The following VPS41 variants were observed in gnomAD, a reference collection of about 807,000 sequenced individuals.
VPS41 encodes VPS41 subunit of HOPS complex, also known as vacuolar protein sorting-associated protein 41 homolog.
A neutral mutation model predicts 130.9 loss-of-function variants in VPS41; 85 were observed. That is an observed-to-expected ratio of 0.65 (90% CI 0.55 to 0.78). VPS41 has a LOEUF of 0.78. Ranked by LOEUF, VPS41 falls within the 30% of genes least tolerant of loss-of-function variation. VPS41 has a pLI of 0.00. For missense variants in VPS41, 874 were observed against 1,018.7 expected, an observed-to-expected ratio of 0.86 and a Z score of 1.93; for synonymous variants, 335 against 332.9, an observed-to-expected ratio of 1.01 and a Z score of -0.07.
intron 5 of VPS41, among the ~76,000 whole-genome samples, chr7:38,823,902 T>G (rs1386516727): frequency 6.6e-6 from 1 of 152,156 alleles, no homozygotes; most frequent in Non-Finnish European, 1.5e-5. Context: ...TATATAGGCA[T>G]AGGATAATAT....
intron 4 of VPS41, among the ~76,000 whole-genome samples, chr7:38,861,552 C>T (rs1786114675): frequency 6.6e-6 from 1 of 152,192 alleles, no homozygotes; most frequent in Admixed American, 6.5e-5. Context: ...CAAAGATTGT[C>T]CTCGTTCCAG....
At chr7:38,906,043 G>A (rs766356105) in intron 1 of VPS41, among the ~76,000 whole-genome samples, 51 of 151,974 alleles carry the variant, frequency 3.4e-4, no homozygotes, top group Admixed American at 5.9e-4. Flanking sequence ...TGATCCACCC[G>A]CCTCAGCCTC....
chr7:38,886,023 G>C (rs6975048), intron 2 of VPS41, among the ~76,000 whole-genome samples: 36,396 of 151,836 alleles, frequency 0.24, 4,785 homozygotes, highest in South Asian at 0.45. Context: ...TTAAAACGAA[G>C]AGTCGTCACT....
Position 38,890,119 on chromosome 7 carries a change from C to T in VPS41, c.60+7972G>A, listed in dbSNP as rs138255507. On this transcript the variant is annotated intron_variant, in intron 2 of 28. Coordinates refer to ENST00000310301, the MANE Select transcript of VPS41 (RefSeq NM_014396.4). ...TCCTAAAACATGTTCAAGTAACGCACAGGAAAGAAAGGAAAGAGAAACAAG... is the reference window on the plus strand; with the variant it reads ...TCCTAAAACATGTTCAAGTAACGCATAGGAAAGAAAGGAAAGAGAAACAAG... 1.7e-3 allele frequency among the ~76,000 whole-genome samples: 265 copies of T among 151,952 alleles called. 6 individuals carry two copies. The East Asian group carries it at 0.037, about 21-fold the overall frequency.
At position 38,786,294 on chromosome 7, in the gene VPS41, C is replaced by T. The variant is rs369114191; in HGVS notation, c.784+3507G>A. The stretch of plus-strand genomic sequence containing the variant: ...TCACTTACACCATGGGGATAGTAGC[C>T]GCTACCCACTCGCATACTGGGAAGA... On this transcript the variant is annotated intron_variant, in intron 10 of 28. Coordinates refer to ENST00000310301, the MANE Select transcript of VPS41 (RefSeq NM_014396.4). Among the ~76,000 whole-genome samples the T allele has an allele frequency of 3.9e-5, 6 of 152,242 alleles. No individual in the cohort carries two copies. The South Asian group carries it at 6.2e-4, about 16-fold the overall frequency.
At chr7:38,758,959 C>T (rs967625826) in intron 17 of VPS41, among the ~76,000 whole-genome samples, 2 of 152,220 alleles carry the variant, frequency 1.3e-5, no homozygotes, top group African/African-American at 4.8e-5. Context: ...TTCCCACATA[C>T]CTTGCCCTCT....
chr7:38,737,581 T>C (rs1194014531), intron 25 of VPS41, among the ~76,000 whole-genome samples: 1 of 152,150 alleles, frequency 6.6e-6, no homozygotes, highest in African/African-American at 2.4e-5. Flanking sequence ...GGGCAAATCA[T>C]GCAACATCTT....
chr7:38,881,685 T>C (rs913334022), intron 2 of VPS41, among the ~76,000 whole-genome samples: 16 of 152,176 alleles, frequency 1.1e-4, no homozygotes, highest in Non-Finnish European at 2.1e-4. Flanking sequence ...AATTCTCCGG[T>C]TGAGTCAGGA....
At chr7:38,818,146 G>A (rs936721276) in intron 6 of VPS41, among the ~76,000 whole-genome samples, 13 of 151,866 alleles carry the variant, frequency 8.6e-5, no homozygotes, top group Non-Finnish European at 1.6e-4. Flanking sequence ...CCTATAAGTG[G>A]ATGTCACCTG....
chr7:38,902,141 CCTCT>C (rs1787159267), intron 1 of VPS41, among the ~76,000 whole-genome samples: 1 of 152,190 alleles, frequency 6.6e-6, no homozygotes, highest in African/African-American at 2.4e-5. Context: ...TGACATGTGG[CCTCT>C]CTAATGTACT....
Position 38,771,247 on chromosome 7 carries a change from A to T in VPS41, c.1136T>A (p.Leu379Ter). The change falls in exon 14 of 29, where the codon TTG (leucine) becomes TAG (stop). Residue 379 changes from leucine (L) to a stop codon, truncating the protein, a stop_gained. Coordinates refer to ENST00000310301, the MANE Select transcript of VPS41 (RefSeq NM_014396.4). LOFTEE classifies it high-confidence loss of function. ...LLEKKKYEEA[L>*]MAAEISQKNI... is the part of the protein sequence containing the mutation. ...TTTTTGGCTAATTTCAGCTGCCATC[A>T]ATGCTTCCTTTATTCCAAACATAAG... 1 of 1,600,402 alleles carries T rather than the reference A, an allele frequency of 6.2e-7. No individual in the cohort carries two copies. Among genetic ancestry groups the T allele is most frequent in the East Asian group, 2.2e-5 (1 of 44,636 alleles).
chr7:38,843,339 T>C (rs777767066), intron 4 of VPS41, among the ~76,000 whole-genome samples: 10 of 152,156 alleles, frequency 6.6e-5, no homozygotes, highest in Non-Finnish European at 1.0e-4. Flanking sequence ...AACATGAGTA[T>C]GCAAAAAATG....
At position 38,754,945 on chromosome 7, in the gene VPS41, TATAAG is replaced by T. The variant is rs747525350; in HGVS notation, c.1696-14_1696-10del. 6.2e-7 allele frequency: 1 copy of T among 1,613,104 alleles called. No homozygotes were observed. The highest frequency in any genetic ancestry group is 2.2e-5 in the East Asian group (1 of 44,772). On this transcript the variant is annotated splice_polypyrimidine_tract_variant and intron_variant, in intron 19 of 28. Coordinates refer to ENST00000310301, the MANE Select transcript of VPS41 (RefSeq NM_014396.4). The stretch of plus-strand genomic sequence containing the variant: ...AGCATGTCAACAGCTTTCTGAAACA[TATAAG>T]AAAAGCCACAGTCAATGAAATCCGT...
rs139905434 is a variant in VPS41 at position 38,733,199 on chromosome 7, C to T, written c.2260-4408G>A. 4.5e-3 allele frequency among the ~76,000 whole-genome samples: 687 copies of T among 152,312 alleles called. 4 individuals are homozygous for T. Among genetic ancestry groups the T allele is most frequent in the African/African-American group, 0.016 (661 of 41,580 alleles). ...AATAAGTGCCTTTATTGTAGCTATA[C>T]ATTTTGACTACCAATGTAATTTAGT... On this transcript the variant is annotated intron_variant, in intron 25 of 28. Transcript: ENST00000310301.
intron 4 of VPS41, among the ~76,000 whole-genome samples, chr7:38,845,728 C>T (rs1478808072): frequency 1.3e-5 from 2 of 152,200 alleles, no homozygotes; most frequent in African/African-American, 2.4e-5. Flanking sequence ...GTTTCTCTTT[C>T]TAGTATTCAC....
chr7:38,782,247 T>C (rs954577012), intron 10 of VPS41, among the ~76,000 whole-genome samples: 2 of 152,214 alleles, frequency 1.3e-5, no homozygotes, highest in South Asian at 2.1e-4. Flanking sequence ...CACACCTAAC[T>C]GCAGGTCCTG....
chr7:38,734,250 T>C (rs558898586), intron 25 of VPS41, among the ~76,000 whole-genome samples: 1 of 152,220 alleles, frequency 6.6e-6, no homozygotes, highest in Non-Finnish European at 1.5e-5. Context: ...TTTCCTATAT[T>C]TTTCCAAGAT....
chr7:38,730,580 T>A (rs527854210), intron 25 of VPS41, among the ~76,000 whole-genome samples: 13 of 152,196 alleles, frequency 8.5e-5, no homozygotes, highest in East Asian at 3.9e-4. Context: ...TTTGGATTTT[T>A]AAAAAAATAC....
intron 1 of VPS41, among the ~76,000 whole-genome samples, chr7:38,902,788 G>C (rs535985563): frequency 1.3e-4 from 20 of 152,320 alleles, no homozygotes; most frequent in South Asian, 4.1e-4. Context: ...ATACCCCAGG[G>C]AGAGGTTGCC....
Sources: gnomAD v4.1 joint callset for allele counts (sites outside exome capture counted in the v4.1 genomes callset) on GRCh38, gnomAD v4.1.1 for gene constraint, MANE v1.5 for transcripts, NCBI Gene and HGNC (gene_info 2026-07-23, HGNC 2026-07-21) for gene names.